PPP6R2: variants seen among roughly 807,000 people sequenced by gnomAD.
PPP6R2 encodes protein phosphatase 6 regulatory subunit 2.
PPP6R2 carries 62 observed loss-of-function variants against 100.2 expected under a neutral mutation model. The ratio of observed to expected loss-of-function variants is 0.62; its 90% CI spans 0.50 to 0.76. The LOEUF (loss-of-function observed/expected upper bound fraction) is 0.76, where lower values mean the gene tolerates loss of function less well. Ranked by LOEUF, PPP6R2 falls within the 30% of genes least tolerant of loss-of-function variation. The probability of loss-of-function intolerance (pLI) is 0.00; values close to 1 mark genes in which losing one functional copy is unlikely to be tolerated. For synonymous variants in PPP6R2, 525 were observed against 514.7 expected (o/e 1.02, Z -0.27); for missense variants, 1,142 against 1,276.3 (o/e 0.89, Z 1.60).
intron 6 of PPP6R2, among the ~76,000 whole-genome samples, chr22:50,418,626 T>C (rs2060876410): frequency 6.6e-6 from 1 of 151,916 alleles, no homozygotes; most frequent in South Asian, 2.1e-4. Context: ...GACCTGATGA[T>C]CTGCCTGCCT....
intron 1 of PPP6R2, among the ~76,000 whole-genome samples, chr22:50,353,527 TAATG>T (rs2045775879): frequency 6.6e-6 from 1 of 152,068 alleles, no homozygotes; most frequent in South Asian, 2.1e-4. Context: ...GATAAAATAA[TAATG>T]AAAGAGTTTG....
At chr22:50,400,775 G>A (rs905045654) in intron 3 of PPP6R2, among the ~76,000 whole-genome samples, 4 of 152,132 alleles carry the variant, frequency 2.6e-5, no homozygotes, top group Non-Finnish European at 4.4e-5. Context: ...AGACAAATGA[G>A]GTCAACAGTG....
In PPP6R2 at chr22:50,439,991, G is replaced by A. The variant is rs201272342; in HGVS notation, c.2316G>A (p.Pro772=). ...CSESGPRCSS[P]VDTECSHAEG... ...AGTCAGGGCCCAGGTGCAGCTCTCC[G>A]GTGGACACAGAATGCAGCCATGCTG... The change falls in exon 21 of 24, where the codon CCG becomes CCA. Residue 772 remains proline (P), a synonymous_variant. Transcript: ENST00000612753. 11 of 1,613,448 alleles carry A rather than the reference G, an allele frequency of 6.8e-6. No individual in the cohort carries two copies. The highest frequency in any genetic ancestry group is 1.6e-4 in the Middle Eastern group (1 of 6,078).
intron 19 of PPP6R2, 30 bp from the exon 20 acceptor site, chr22:50,439,671 C>A: frequency 6.5e-7 from 1 of 1,532,834 alleles, no homozygotes. Context: ...GGCCTGCCCA[C>A]GCCTGACCAC....
At chr22:50,389,886 G>A (rs1401510422) in intron 2 of PPP6R2, among the ~76,000 whole-genome samples, 1 of 152,130 alleles carries the variant, frequency 6.6e-6, no homozygotes, top group Non-Finnish European at 1.5e-5. Flanking sequence ...ACAGTGCCCA[G>A]CCTGATGTGA....
At chr22:50,408,726 T>C (rs2059338289) in intron 4 of PPP6R2, among the ~76,000 whole-genome samples, 1 of 152,216 alleles carries the variant, frequency 6.6e-6, no homozygotes, top group Non-Finnish European at 1.5e-5. Context: ...TTTCGGATAT[T>C]TTCTTTATAA....
At chr22:50,391,618 T>C (rs143901829) in intron 2 of PPP6R2, among the ~76,000 whole-genome samples, 39 of 151,846 alleles carry the variant, frequency 2.6e-4, no homozygotes, top group African/African-American at 9.4e-4. Flanking sequence ...AAATCCAGTC[T>C]GACAATGTTT....
At chr22:50,376,462 G>A (rs1180813714) in intron 2 of PPP6R2, among the ~76,000 whole-genome samples, 1 of 152,100 alleles carries the variant, frequency 6.6e-6, no homozygotes, top group African/African-American at 2.4e-5. Context: ...TGTCGCCTAG[G>A]CTGGAGTTGG....
intron 1 of PPP6R2, among the ~76,000 whole-genome samples, chr22:50,349,236 C>T (rs1569248290): frequency 6.8e-6 from 1 of 147,406 alleles, no homozygotes; most frequent in Admixed American, 6.9e-5. Flanking sequence ...TGGTGGTGTG[C>T]GCCTATAGTC....
At chr22:50,375,022 A>C (rs1014997852) in intron 2 of PPP6R2, among the ~76,000 whole-genome samples, 1 of 152,174 alleles carries the variant, frequency 6.6e-6, no homozygotes, top group Non-Finnish European at 1.5e-5. Context: ...GTTAAAAGAT[A>C]GATTACCTAA....
At chr22:50,438,843 C>T in intron 19 of PPP6R2, 81 bp downstream of exon 19, 1 of 1,381,480 alleles carries the variant, frequency 7.2e-7, no homozygotes, top group Non-Finnish European at 9.7e-7. Context: ...GTGGAGGCTT[C>T]ATTTGGAGCT....
At chr22:50,352,004 C>T (rs2045400885) in intron 1 of PPP6R2, among the ~76,000 whole-genome samples, 1 of 152,142 alleles carries the variant, frequency 6.6e-6, no homozygotes, top group South Asian at 2.1e-4. Context: ...ATCGTGTTAG[C>T]CAGGATGGTC....
intron 1 of PPP6R2, among the ~76,000 whole-genome samples, chr22:50,358,146 G>C (rs886682299): frequency 6.6e-6 from 1 of 151,878 alleles, no homozygotes; most frequent in Non-Finnish European, 1.5e-5. Context: ...GTAGAGATGG[G>C]GGTCTCTCTG....
At chr22:50,361,982 C>G (rs2047885227) in intron 1 of PPP6R2, among the ~76,000 whole-genome samples, 1 of 152,168 alleles carries the variant, frequency 6.6e-6, no homozygotes, top group Non-Finnish European at 1.5e-5. Flanking sequence ...ATGCAGCAGG[C>G]ACTTGCCCAA....
chr22:50,395,818 C>A (rs567933706), intron 3 of PPP6R2, among the ~76,000 whole-genome samples: 3 of 151,702 alleles, frequency 2.0e-5, no homozygotes, highest in Middle Eastern at 3.2e-3. Flanking sequence ...CCACCCACCT[C>A]GGCCTCCCAA....
At chr22:50,360,691 T>C (rs2047615574) in intron 1 of PPP6R2, among the ~76,000 whole-genome samples, 1 of 152,120 alleles carries the variant, frequency 6.6e-6, no homozygotes, top group African/African-American at 2.4e-5. Context: ...TATCCCTGTT[T>C]ACCGAGGAGC....
chr22:50,368,560 A>G (rs2049260875), intron 1 of PPP6R2, among the ~76,000 whole-genome samples: 1 of 152,216 alleles, frequency 6.6e-6, no homozygotes. Context: ...TAATATTCAC[A>G]TATATCTATA....
the PPP6R2 span, among the ~76,000 whole-genome samples, chr22:50,336,322 C>T: frequency 2.0e-5 from 3 of 152,166 alleles, no homozygotes; most frequent in Admixed American, 6.6e-5. Flanking sequence ...AAAAATATGA[C>T]ATGTCTGTCA....
At chr22:50,337,358 GGTGT>G in the PPP6R2 span, among the ~76,000 whole-genome samples, 2 of 132,900 alleles carry the variant, frequency 1.5e-5, no homozygotes, top group Non-Finnish European at 3.3e-5. Flanking sequence ...GTGGTGTGTG[GGTGT>G]GTGTGTGCTG....
Sources: gnomAD v4.1 joint callset for allele counts (sites outside exome capture counted in the v4.1 genomes callset) on GRCh38, gnomAD v4.1.1 for gene constraint, MANE v1.5 for transcripts, NCBI Gene and HGNC (gene_info 2026-07-23, HGNC 2026-07-21) for gene names.